MBD5: variants seen among roughly 807,000 people sequenced by gnomAD.
MBD5 encodes the protein methyl-CpG binding domain protein 5, also known as methyl-CpG-binding domain protein 5.
A neutral mutation model predicts 117.3 loss-of-function variants in MBD5; 13 were observed. The observed-to-expected ratio is 0.11, with a 90% CI of 0.07 to 0.18. The LOEUF (loss-of-function observed/expected upper bound fraction) is 0.18. MBD5 is among the 10% of genes least tolerant of loss of function. The pLI is 1.00. For missense variants in MBD5, 1,879 were observed against 2,093.8 expected (o/e 0.90, Z 2.00); for synonymous variants, 727 against 766.4 (o/e 0.95, Z 0.85).
At chr2:148,332,708 G>T (rs898844117) in intron 3 of MBD5, among the ~76,000 whole-genome samples, 4 of 152,074 alleles carry the variant, frequency 2.6e-5, no homozygotes, top group African/African-American at 9.7e-5. Flanking sequence ...AAGCTATTAA[G>T]ATTTTCTATT....
intron 6 of MBD5, among the ~76,000 whole-genome samples, chr2:148,463,224 G>A (rs1028801236): frequency 6.6e-6 from 1 of 152,024 alleles, no homozygotes; most frequent in Admixed American, 6.6e-5. Flanking sequence ...AAAAGTAAAG[G>A]TTAGACAATT....
chr2:148,368,584 C>A (rs776102650), intron 4 of MBD5, among the ~76,000 whole-genome samples: 1 of 152,136 alleles, frequency 6.6e-6, no homozygotes, highest in Non-Finnish European at 1.5e-5. Context: ...GGTAAAGGGA[C>A]TCCAACTGAA....
rs10211580 is a variant in MBD5 at position 148,159,386 on chromosome 2, G to A, written c.-924-19314G>A. On this transcript the variant is annotated intron_variant, in intron 1 of 13. Transcript: ENST00000642680. ...AGGCTGGAGTGCAGTGGTACGATTGGCTCACTACAACCTCCACCTCCCAGG... is the reference window on the plus strand; with the variant it reads ...AGGCTGGAGTGCAGTGGTACGATTGACTCACTACAACCTCCACCTCCCAGG... Among the ~76,000 whole-genome samples, 1,511 of 152,074 alleles carry A rather than the reference G, an allele frequency of 9.9e-3. 27 individuals carry two copies. Among genetic ancestry groups the A allele is most frequent in the African/African-American group, 0.034 (1,426 of 41,480 alleles).
At chr2:148,303,962 G>A (rs2106491412) in intron 3 of MBD5, among the ~76,000 whole-genome samples, 1 of 152,230 alleles carries the variant, frequency 6.6e-6, no homozygotes, top group African/African-American at 2.4e-5. Flanking sequence ...GGGCAATAGA[G>A]TACAAATGAC....
chr2:148,055,471 A>T (rs1271895687), intron 1 of MBD5: 1 of 144,340 alleles, frequency 6.9e-6, no homozygotes, highest in Non-Finnish European at 1.5e-5. Flanking sequence ...TCTGTCTTCC[A>T]GGCTGGAGTG....
intron 2 of MBD5, among the ~76,000 whole-genome samples, chr2:148,225,062 C>T (rs1463061465): frequency 3.3e-5 from 5 of 152,128 alleles, no homozygotes; most frequent in Non-Finnish European, 7.4e-5. Flanking sequence ...AGTCCACTTA[C>T]ATTCAGTTTC....
At chr2:148,168,580 T>C (rs1698182728) in intron 1 of MBD5, among the ~76,000 whole-genome samples, 1 of 152,072 alleles carries the variant, frequency 6.6e-6, no homozygotes, top group Admixed American at 6.6e-5. Flanking sequence ...AGGGATATAC[T>C]ACTAGAGATG....
chr2:148,365,816 T>G (rs1703681055), intron 4 of MBD5, among the ~76,000 whole-genome samples: 1 of 151,896 alleles, frequency 6.6e-6, no homozygotes, highest in Non-Finnish European at 1.5e-5. Flanking sequence ...TAAAAAGTTC[T>G]GAAGTTGAGA....
chr2:148,432,633 C>G (rs1706025594), intron 4 of MBD5, among the ~76,000 whole-genome samples: 2 of 152,054 alleles, frequency 1.3e-5, no homozygotes, highest in South Asian at 4.1e-4. Flanking sequence ...AATTCTTTCC[C>G]CATTTCTCGT....
intron 4 of MBD5, among the ~76,000 whole-genome samples, chr2:148,437,147 A>T (rs1706178373): frequency 1.3e-5 from 2 of 151,118 alleles, no homozygotes; most frequent in Admixed American, 1.3e-4. Context: ...GCGCCTGGCT[A>T]ATTTTTTGTA....
chr2:148,040,091 C>A (rs1218400255), intron 1 of MBD5, among the ~76,000 whole-genome samples: 1 of 152,098 alleles, frequency 6.6e-6, no homozygotes, highest in East Asian at 1.9e-4. Flanking sequence ...ATGCTTATTT[C>A]TTGGGGGACA....
intron 1 of MBD5, chr2:148,025,770 G>A: frequency 6.6e-6 from 1 of 151,958 alleles, no homozygotes; most frequent in East Asian, 1.9e-4. Flanking sequence ...AGGAGTTTTG[G>A]AATTTTTAGT....
At position 148,396,103 on chromosome 2, in the gene MBD5, T is replaced by A. The variant is rs979648117; in HGVS notation, c.-557+53767T>A. 5.3e-5 allele frequency among the ~76,000 whole-genome samples: 8 copies of A among 152,348 alleles called. No homozygotes were observed. In the East Asian group the frequency reaches 1.5e-3, roughly 29 times the overall value. ...GCTGTGTTCACATTCTCATCTCTCATTAACTTTTTATCCCATTAAAACTGA... is the reference window on the plus strand; with the variant it reads ...GCTGTGTTCACATTCTCATCTCTCAATAACTTTTTATCCCATTAAAACTGA... On this transcript the variant is annotated intron_variant, in intron 4 of 13. Coordinates refer to ENST00000642680, the MANE Select transcript of MBD5 (RefSeq NM_001378120.1).
chr2:148,190,672 T>C (rs1698800708), intron 2 of MBD5, among the ~76,000 whole-genome samples: 1 of 7,298 alleles, frequency 1.4e-4, no homozygotes, highest in African/African-American at 1.5e-4. Flanking sequence ...GTAAAGACCA[T>C]CGAGACTAGG....
At chr2:148,088,780 C>G (rs1695862490) in intron 1 of MBD5, among the ~76,000 whole-genome samples, 1 of 151,900 alleles carries the variant, frequency 6.6e-6, no homozygotes, top group Non-Finnish European at 1.5e-5. Context: ...CTCACAGAAC[C>G]TATAAAAAAT....
chr2:148,201,221 G>C (rs532899035), intron 2 of MBD5, among the ~76,000 whole-genome samples: 1 of 152,316 alleles, frequency 6.6e-6, no homozygotes, highest in Non-Finnish European at 1.5e-5. Flanking sequence ...AGATGTGTGT[G>C]CCAGTGAATG....
At chr2:148,455,163 T>C (rs545804024) in intron 4 of MBD5, among the ~76,000 whole-genome samples, 1 of 152,160 alleles carries the variant, frequency 6.6e-6, no homozygotes, top group South Asian at 2.1e-4. Context: ...GCGAAAAAAA[T>C]TGCCACTTAA....
intron 4 of MBD5, among the ~76,000 whole-genome samples, chr2:148,396,095 A>G (rs1193241737): frequency 6.6e-6 from 1 of 151,924 alleles, no homozygotes. Context: ...TCACATTCTC[A>G]TCTCTCATTA....
intron 2 of MBD5, among the ~76,000 whole-genome samples, chr2:148,209,735 T>C (rs891125382): frequency 7.9e-5 from 12 of 151,906 alleles, no homozygotes; most frequent in Admixed American, 7.9e-4. Flanking sequence ...TCAGGAAGCA[T>C]ACAACCATGG....
Sources: allele counts gnomAD v4.1 joint callset (sites outside exome capture counted in the v4.1 genomes callset), GRCh38; gene constraint gnomAD v4.1.1; transcripts MANE v1.5; gene names NCBI Gene and HGNC (gene_info 2026-07-23, HGNC 2026-07-21).